The following FRMD4B variants were observed in gnomAD, a reference collection of about 807,000 sequenced individuals.
FRMD4B encodes FERM domain-containing protein 4B.
In FRMD4B, 74 loss-of-function variants were observed where a neutral mutation model predicts 141.5. That is an observed-to-expected ratio of 0.52 (90% CI 0.43 to 0.63). The LOEUF (loss-of-function observed/expected upper bound fraction) is 0.63, where lower values mean the gene tolerates loss of function less well. Ranked by LOEUF, FRMD4B falls within the 30% of genes least tolerant of loss-of-function variation. The pLI, the probability that FRMD4B is intolerant of heterozygous loss-of-function variation, is 0.00. For missense variants in FRMD4B, 1,366 were observed against 1,253.4 expected, an observed-to-expected ratio of 1.09 and a Z score of -1.36; for synonymous variants, 506 against 467.9, an observed-to-expected ratio of 1.08 and a Z score of -1.05.
intron 1 of FRMD4B, among the ~76,000 whole-genome samples, chr3:69,373,551 G>A (rs137874993): frequency 3.9e-5 from 6 of 152,288 alleles, no homozygotes; most frequent in Non-Finnish European, 8.8e-5. Context: ...TCAGCACTGT[G>A]TCTGACATAT....
intron 1 of FRMD4B, among the ~76,000 whole-genome samples, chr3:69,501,579 G>A (rs1273405129): frequency 6.6e-6 from 1 of 152,172 alleles, no homozygotes; most frequent in East Asian, 1.9e-4. Flanking sequence ...ATATCACACT[G>A]AATGGGCAAA....
intron 4 of FRMD4B, among the ~76,000 whole-genome samples, chr3:69,297,162 T>C (rs1438129967): frequency 6.6e-6 from 1 of 152,160 alleles, no homozygotes; most frequent in Non-Finnish European, 1.5e-5. Context: ...TGACGAGGAC[T>C]CACGGGTTGT....
At chr3:69,461,070 C>T (rs903782052) in intron 1 of FRMD4B, among the ~76,000 whole-genome samples, 6 of 152,176 alleles carry the variant, frequency 3.9e-5, no homozygotes, top group Non-Finnish European at 8.8e-5. Context: ...GCTACTCTAC[C>T]AGGAAAAGTT....
At chr3:69,541,205 C>A (rs1406069949) in intron 1 of FRMD4B, 3 of 152,188 alleles carry the variant, frequency 2.0e-5, no homozygotes, top group Non-Finnish European at 4.4e-5. Flanking sequence ...GCCATCAGCA[C>A]CCTAAGGTCT....
At chr3:69,454,541 G>A (rs1038960820) in intron 1 of FRMD4B, among the ~76,000 whole-genome samples, 8 of 152,214 alleles carry the variant, frequency 5.3e-5, no homozygotes, top group South Asian at 4.1e-4. Context: ...GCAGCTGGCC[G>A]GCGCCACCGG....
intron 17 of FRMD4B, among the ~76,000 whole-genome samples, chr3:69,192,856 C>G (rs547932903): frequency 6.6e-6 from 1 of 151,132 alleles, no homozygotes; most frequent in East Asian, 2.0e-4. Context: ...CTTGCCCTGT[C>G]ACCCACGCTG....
chr3:69,215,626 T>G (rs1008026832), intron 11 of FRMD4B, among the ~76,000 whole-genome samples: 5 of 152,104 alleles, frequency 3.3e-5, no homozygotes, highest in Admixed American at 1.3e-4. Context: ...AACTGATTTT[T>G]CTCTACAAAA....
At chr3:69,494,834 G>T (rs543869684) in intron 1 of FRMD4B, among the ~76,000 whole-genome samples, 26 of 151,896 alleles carry the variant, frequency 1.7e-4, no homozygotes, top group Non-Finnish European at 3.1e-4. Context: ...AGAGGTTGCA[G>T]TGATCCAAGA....
At chr3:69,541,113 A>C (rs1701178288) in intron 1 of FRMD4B, 1 of 142,788 alleles carries the variant, frequency 7.0e-6, no homozygotes. Flanking sequence ...AATCTTGTAC[A>C]CATCTTTCGA....
intron 1 of FRMD4B, among the ~76,000 whole-genome samples, chr3:69,450,515 G>A (rs747945359): frequency 2.6e-5 from 4 of 152,172 alleles, no homozygotes; most frequent in Non-Finnish European, 5.9e-5. Context: ...CACTTTGGGC[G>A]GCCAAGGCAG....
At chr3:69,361,269 G>C (rs144994022) in intron 1 of FRMD4B, among the ~76,000 whole-genome samples, 3 of 152,142 alleles carry the variant, frequency 2.0e-5, no homozygotes, top group African/African-American at 4.8e-5. Flanking sequence ...GTATTTGTCA[G>C]CTTCCTTGCT....
intron 7 of FRMD4B, among the ~76,000 whole-genome samples, chr3:69,245,349 G>GTTTTTTTTT (rs1218555167): frequency 1.3e-5 from 2 of 151,110 alleles, no homozygotes; most frequent in African/African-American, 4.9e-5. Flanking sequence ...GTGTGTGTGT[G>GTTTTTTTTT]TGTGTTTTTA....
chr3:69,215,272 G>C (rs2093128197), intron 11 of FRMD4B, among the ~76,000 whole-genome samples: 1 of 63,580 alleles, frequency 1.6e-5, no homozygotes. Context: ...AAATCTGATA[G>C]ATTGTGACCC....
intron 19 of FRMD4B, among the ~76,000 whole-genome samples, chr3:69,183,353 A>G (rs1218232680): frequency 1.3e-5 from 2 of 152,148 alleles, no homozygotes; most frequent in African/African-American, 2.4e-5. Flanking sequence ...GGTCTGCGCA[A>G]AAACAGGCAG....
intron 1 of FRMD4B, among the ~76,000 whole-genome samples, chr3:69,522,168 G>T (rs1488777186): frequency 6.6e-6 from 1 of 151,898 alleles, no homozygotes; most frequent in Non-Finnish European, 1.5e-5. Flanking sequence ...TCATGCTACT[G>T]TCCACAAAAC....
intron 5 of FRMD4B, among the ~76,000 whole-genome samples, chr3:69,285,108 A>G (rs1032546117): frequency 2.6e-5 from 4 of 152,212 alleles, no homozygotes; most frequent in Non-Finnish European, 5.9e-5. Context: ...GGTTGTGGTG[A>G]GCCAAGACTG....
intron 5 of FRMD4B, among the ~76,000 whole-genome samples, chr3:69,280,707 G>A (rs2093640902): frequency 6.6e-6 from 1 of 152,072 alleles, no homozygotes; most frequent in Non-Finnish European, 1.5e-5. Context: ...TGCAACCTCT[G>A]CCTCCTGGGC....
intron 1 of FRMD4B, among the ~76,000 whole-genome samples, chr3:69,487,865 A>C (rs1448751560): frequency 6.6e-6 from 1 of 152,192 alleles, no homozygotes; most frequent in Non-Finnish European, 1.5e-5. Flanking sequence ...AGCTTACTTC[A>C]AAAACCTTGC....
chr3:69,198,590 C>T, intron 12 of FRMD4B, 108 bp downstream of exon 12: 1 of 678,326 alleles, frequency 1.5e-6, no homozygotes, highest in Non-Finnish European at 2.7e-6. Flanking sequence ...GGTATACACC[C>T]AAGAGAAATG....
Sources: allele counts gnomAD v4.1 joint callset (sites outside exome capture counted in the v4.1 genomes callset), GRCh38; gene constraint gnomAD v4.1.1; transcripts MANE v1.5; gene names NCBI Gene and HGNC (gene_info 2026-07-23, HGNC 2026-07-21).